SERPINI1: variants seen among roughly 807,000 people sequenced by gnomAD.
The protein encoded by SERPINI1 is neuroserpin.
In SERPINI1, 19 loss-of-function variants were observed where a neutral mutation model predicts 41.1. That is an observed-to-expected ratio of 0.46 (90% CI 0.32 to 0.68). The LOEUF (loss-of-function observed/expected upper bound fraction) is 0.68. SERPINI1 is among the 30% of genes least tolerant of loss of function. The pLI, the probability that SERPINI1 is intolerant of heterozygous loss-of-function variation, is 0.03. For synonymous variants in SERPINI1, 138 were observed against 156.6 expected (o/e 0.88, Z 0.89); for missense variants, 460 against 479.2 (o/e 0.96, Z 0.37).
chr3:167,778,398 G>A (rs1223216982), intron 1 of SERPINI1, among the ~76,000 whole-genome samples: 1 of 152,212 alleles, frequency 6.6e-6, no homozygotes. Flanking sequence ...GCTATGGTTT[G>A]TAAGGATAAT....
Position 167,792,733 on chromosome 3 carries a change from G to GA in SERPINI1, c.628dup (p.Ser210LysfsTer2). 1 of 1,613,840 alleles carries GA rather than the reference G, an allele frequency of 6.2e-7. No homozygotes were observed. Among genetic ancestry groups the GA allele is most frequent in the South Asian group, 1.1e-5 (1 of 91,074 alleles). On this transcript the variant is annotated frameshift_variant, in exon 4 of 9. Transcript: ENST00000446050. LOFTEE classifies it high-confidence loss of function. ...AACCTTTTCTTTCACTAAAGATGATGAAAGTGAAGTCCAAATTCCAATGAT... is the reference window on the plus strand; with the variant it reads ...AACCTTTTCTTTCACTAAAGATGATGAAAAGTGAAGTCCAAATTCCAATGAT...
At chr3:167,806,398 A>T (rs898274291) in intron 5 of SERPINI1, among the ~76,000 whole-genome samples, 2 of 152,078 alleles carry the variant, frequency 1.3e-5, no homozygotes, top group Non-Finnish European at 2.9e-5. Context: ...AACTTAGATG[A>T]TGGGTTGATA....
At position 167,745,855 on chromosome 3, in the gene SERPINI1, C is replaced by T. The variant is rs142623762; in HGVS notation, c.-19+10032C>T. Among the ~76,000 whole-genome samples the T allele has an allele frequency of 3.4e-3, 516 of 152,038 alleles. 3 individuals carry two copies. The highest frequency in any genetic ancestry group is 0.012 in the African/African-American group (482 of 41,510). On this transcript the variant is annotated intron_variant, in intron 1 of 8. Coordinates refer to ENST00000446050, the MANE Select transcript of SERPINI1 (RefSeq NM_001122752.2). The stretch of plus-strand genomic sequence containing the variant: ...CCAAGGAATGAATTTAACAAAAATG[C>T]AAGAATTTTACAACAAAAACACCAA...
At chr3:167,784,664 T>C (rs1239921897) in intron 1 of SERPINI1, among the ~76,000 whole-genome samples, 1 of 152,074 alleles carries the variant, frequency 6.6e-6, no homozygotes, top group East Asian at 1.9e-4. Context: ...TGACAGATGC[T>C]TATAAAACCA....
chr3:167,797,870 G>A lies in SERPINI1; in HGVS notation c.881+3046G>A, dbSNP rs16851475. On this transcript the variant is annotated intron_variant, in intron 5 of 8. Transcript: ENST00000446050. The stretch of plus-strand genomic sequence containing the variant: ...AATTACTATGTAAATCAGGCCTAAA[G>A]TTATAAAACATTTAGTCTATGTTGG... Among the ~76,000 whole-genome samples, 85 of 151,944 alleles carry A rather than the reference G, an allele frequency of 5.6e-4. 1 individual carries two copies. The East Asian group carries it at 0.011, about 20-fold the overall frequency.
intron 1 of SERPINI1, among the ~76,000 whole-genome samples, chr3:167,765,227 A>G (rs985978514): frequency 1.5e-4 from 23 of 152,246 alleles, no homozygotes; most frequent in Non-Finnish European, 1.3e-4. Context: ...GAGGTACTGC[A>G]TGAGAGTCCC....
chr3:167,742,254 A>G (rs377092030), intron 1 of SERPINI1, among the ~76,000 whole-genome samples: 1 of 152,206 alleles, frequency 6.6e-6, no homozygotes. Context: ...CTCACATTGC[A>G]TGGCCCAAAA....
At chr3:167,809,693 G>A (rs1317971681) in intron 6 of SERPINI1, among the ~76,000 whole-genome samples, 3 of 152,070 alleles carry the variant, frequency 2.0e-5, no homozygotes, top group Admixed American at 6.6e-5. Flanking sequence ...ATCCTTCTCT[G>A]TGTCCTACTC....
At chr3:167,794,089 A>G (rs1291754352) in intron 4 of SERPINI1, among the ~76,000 whole-genome samples, 1 of 152,100 alleles carries the variant, frequency 6.6e-6, no homozygotes, top group East Asian at 1.9e-4. Context: ...AATCAGGTGA[A>G]TATTGATCAA....
intron 1 of SERPINI1, among the ~76,000 whole-genome samples, chr3:167,786,073 C>T (rs1727294534): frequency 6.6e-6 from 1 of 152,190 alleles, no homozygotes; most frequent in African/African-American, 2.4e-5. Context: ...CAAACTTGTA[C>T]AGCATGTTAC....
At chr3:167,763,357 T>TGTGTGTG in intron 1 of SERPINI1, among the ~76,000 whole-genome samples, 1 of 147,742 alleles carries the variant, frequency 6.8e-6, no homozygotes, top group East Asian at 2.0e-4. Flanking sequence ...AACCACAGTT[T>TGTGTGTG]TGTGTGTGTG....
At chr3:167,812,218 A>G (rs966342298) in intron 6 of SERPINI1, among the ~76,000 whole-genome samples, 4 of 152,208 alleles carry the variant, frequency 2.6e-5, no homozygotes, top group Admixed American at 2.6e-4. Context: ...GCCAAGATTA[A>G]TCGCCTTAAA....
intron 4 of SERPINI1, among the ~76,000 whole-genome samples, chr3:167,793,766 A>G (rs1297572562): frequency 6.6e-6 from 1 of 150,832 alleles, no homozygotes; most frequent in South Asian, 2.1e-4. Context: ...AATTATATAC[A>G]TACAGGTTTT....
At chr3:167,737,218 T>A (rs1450053621) in intron 1 of SERPINI1, among the ~76,000 whole-genome samples, 2 of 152,114 alleles carry the variant, frequency 1.3e-5, no homozygotes, top group Non-Finnish European at 2.9e-5. Context: ...AAGTGACTTT[T>A]CAGTGTGTAT....
At chr3:167,763,478 C>A (rs1293962762) in intron 1 of SERPINI1, among the ~76,000 whole-genome samples, 1 of 151,962 alleles carries the variant, frequency 6.6e-6, no homozygotes, top group Non-Finnish European at 1.5e-5. Context: ...CTCCTAGGCT[C>A]AAGCAATCCC....
intron 1 of SERPINI1, among the ~76,000 whole-genome samples, chr3:167,769,896 C>G (rs1327128148): frequency 1.3e-5 from 2 of 149,716 alleles, no homozygotes; most frequent in Non-Finnish European, 3.0e-5. Context: ...TTATAAAAGT[C>G]CTTTGTAGAG....
At chr3:167,817,148 A>C (rs1289264872) in intron 6 of SERPINI1, among the ~76,000 whole-genome samples, 11 of 152,106 alleles carry the variant, frequency 7.2e-5, no homozygotes, top group Non-Finnish European at 1.6e-4. Context: ...AACTGGAGGC[A>C]GTCAGGAGAG....
chr3:167,751,644 T>C (rs1001840717), intron 1 of SERPINI1, among the ~76,000 whole-genome samples: 1 of 152,154 alleles, frequency 6.6e-6, no homozygotes, highest in African/African-American at 2.4e-5. Flanking sequence ...TCGACACAAA[T>C]GGTGATGGGT....
chr3:167,820,663 T>G (rs1467295412), intron 6 of SERPINI1, among the ~76,000 whole-genome samples: 1 of 152,148 alleles, frequency 6.6e-6, no homozygotes, highest in Non-Finnish European at 1.5e-5. Context: ...GGCAGCTCAG[T>G]GCAGGCCTGC....
Sources: gnomAD v4.1 joint callset for allele counts (sites outside exome capture counted in the v4.1 genomes callset) on GRCh38, gnomAD v4.1.1 for gene constraint, MANE v1.5 for transcripts, NCBI Gene and HGNC (gene_info 2026-07-23, HGNC 2026-07-21) for gene names.